Variants in IPCEF1 observed in about 807,000 individuals in gnomAD.
IPCEF1 encodes interactor protein for cytohesin exchange factors 1.
IPCEF1 carries 31 observed loss-of-function variants against 50.9 expected under a neutral mutation model. That is an observed-to-expected ratio of 0.61 (90% CI 0.46 to 0.82). IPCEF1 has a LOEUF of 0.82. IPCEF1 is among the 40% of genes least tolerant of loss of function. The pLI is 0.00. For synonymous variants in IPCEF1, 181 were observed against 192.0 expected (o/e 0.94, Z 0.47); for missense variants, 458 against 514.0 (o/e 0.89, Z 1.05).
intron 1 of IPCEF1, among the ~76,000 whole-genome samples, chr6:154,349,117 G>T (rs568091333): frequency 2.6e-5 from 4 of 151,944 alleles, no homozygotes; most frequent in East Asian, 3.9e-4. Context: ...TTAAATTAAG[G>T]TTCCTGGGAA....
intron 9 of IPCEF1, among the ~76,000 whole-genome samples, chr6:154,209,489 A>C (rs1777784139): frequency 6.6e-6 from 1 of 151,138 alleles, no homozygotes; most frequent in African/African-American, 2.4e-5. Flanking sequence ...TATCTCCACA[A>C]AAAAAAAATT....
Position 154,310,988 on chromosome 6 carries a change from T to G in IPCEF1, c.-61-21232A>C, listed in dbSNP as rs187112236. Among the ~76,000 whole-genome samples, 968 of 152,274 alleles carry G rather than the reference T, an allele frequency of 6.4e-3. 9 individuals carry two copies. Among genetic ancestry groups the G allele is most frequent in the Middle Eastern group, 0.024 (7 of 294 alleles). On this transcript the variant is annotated intron_variant, in intron 1 of 11. Transcript: ENST00000367220. ...TAATAATGTATTGTATATTGCAGAA[T>G]TGTTAAAAGAATTTATTTTTAAAGT... is the stretch of plus-strand genomic sequence containing the variant.
intron 3 of IPCEF1, among the ~76,000 whole-genome samples, chr6:154,256,583 GTGTC>G (rs1323865665): frequency 7.6e-6 from 1 of 131,108 alleles, no homozygotes; most frequent in Non-Finnish European, 1.7e-5. Context: ...GTGTGTGTGT[GTGTC>G]TCTCTCACAC....
intron 1 of IPCEF1, among the ~76,000 whole-genome samples, chr6:154,315,833 G>C (rs976818386): frequency 1.3e-5 from 2 of 149,534 alleles, no homozygotes; most frequent in Admixed American, 6.6e-5. Flanking sequence ...AATTTTTTTT[G>C]GGGGGGAGCG....
chr6:154,291,560 T>C (rs1782512904), intron 1 of IPCEF1, among the ~76,000 whole-genome samples: 1 of 152,190 alleles, frequency 6.6e-6, no homozygotes, highest in Non-Finnish European at 1.5e-5. Context: ...CTAAATATTT[T>C]GCTGAACCAT....
At chr6:154,302,631 C>T (rs928342592) in intron 1 of IPCEF1, among the ~76,000 whole-genome samples, 4 of 152,084 alleles carry the variant, frequency 2.6e-5, no homozygotes, top group Non-Finnish European at 5.9e-5. Flanking sequence ...TGTGCCACCA[C>T]GCCTGGCTAA....
At chr6:154,229,388 C>T (rs1350712031) in intron 5 of IPCEF1, among the ~76,000 whole-genome samples, 3 of 131,872 alleles carry the variant, frequency 2.3e-5, no homozygotes, top group African/African-American at 8.8e-5. Flanking sequence ...CTCTCTCTGT[C>T]GCCCAGGCTG....
chr6:154,237,662 C>T (rs1251407704), intron 5 of IPCEF1, among the ~76,000 whole-genome samples: 1 of 152,180 alleles, frequency 6.6e-6, no homozygotes, highest in African/African-American at 2.4e-5. Flanking sequence ...GCATCACTGA[C>T]TTAGAGCTAC....
chr6:154,252,607 G>A (rs923973786), intron 3 of IPCEF1, among the ~76,000 whole-genome samples: 3 of 152,128 alleles, frequency 2.0e-5, no homozygotes, highest in Non-Finnish European at 2.9e-5. Context: ...CCCCAGAGAC[G>A]GAGGCTGCAG....
At chr6:154,350,437 T>C (rs991893660) in intron 1 of IPCEF1, among the ~76,000 whole-genome samples, 9 of 152,354 alleles carry the variant, frequency 5.9e-5, no homozygotes, top group Admixed American at 5.2e-4. Flanking sequence ...ATGTGTCTCA[T>C]TGTTGAGAGT....
chr6:154,164,094 T>C (rs1013443744), intron 11 of IPCEF1, among the ~76,000 whole-genome samples: 26 of 152,248 alleles, frequency 1.7e-4, no homozygotes, highest in African/African-American at 6.3e-4. Flanking sequence ...TGTAAAGTTA[T>C]TTAAAGAGTT....
intron 9 of IPCEF1, among the ~76,000 whole-genome samples, chr6:154,202,494 T>C (rs949702230): frequency 1.1e-4 from 17 of 152,216 alleles, no homozygotes; most frequent in African/African-American, 4.1e-4. Flanking sequence ...CACGTTCCCC[T>C]ATTGTGAGCT....
intron 9 of IPCEF1, among the ~76,000 whole-genome samples, chr6:154,202,249 T>TA (rs567418627): frequency 1.6e-4 from 24 of 152,116 alleles, no homozygotes; most frequent in African/African-American, 2.4e-4. Context: ...GGCACGTACA[T>TA]AAAAAAAATC....
intron 10 of IPCEF1, among the ~76,000 whole-genome samples, chr6:154,185,458 A>G (rs1801256762): frequency 6.6e-6 from 1 of 152,182 alleles, no homozygotes; most frequent in Non-Finnish European, 1.5e-5. Context: ...TTGCCCCCAA[A>G]CTTTACAAAT....
At chr6:154,264,315 C>T (rs1030150850) in intron 3 of IPCEF1, among the ~76,000 whole-genome samples, 4 of 151,780 alleles carry the variant, frequency 2.6e-5, no homozygotes, top group Non-Finnish European at 4.4e-5. Context: ...GTGAGGCCAT[C>T]CTCCCAGTTG....
At chr6:154,250,827 G>A (rs1781319863) in intron 3 of IPCEF1, among the ~76,000 whole-genome samples, 1 of 152,164 alleles carries the variant, frequency 6.6e-6, no homozygotes, top group Non-Finnish European at 1.5e-5. Flanking sequence ...GGTAAAATGG[G>A]CTCTCTGGTT....
rs1473490290 is a variant in IPCEF1 at position 154,187,213 on chromosome 6, C to CCAGGATT, written c.910+12454_910+12455insAATCCTG. ...GACTTATCAGAGAGATTTTCCAGGA[C>CCAGGATT]TACCAATGTAAAATCACACACCCCA... On this transcript the variant is annotated intron_variant, in intron 10 of 11. Transcript: ENST00000367220. Among the ~76,000 whole-genome samples the CCAGGATT allele has an allele frequency of 2.5e-3, 383 of 152,284 alleles. 2 individuals are homozygous for CCAGGATT. Among genetic ancestry groups the CCAGGATT allele is most frequent in the African/African-American group, 9.1e-3 (377 of 41,540 alleles).
intron 1 of IPCEF1, among the ~76,000 whole-genome samples, chr6:154,296,420 G>A (rs1487045443): frequency 3.9e-5 from 6 of 152,222 alleles, no homozygotes; most frequent in South Asian, 4.1e-4. Flanking sequence ...CAACTCCACC[G>A]CATGCCCTAG....
chr6:154,302,379 G>T (rs1205531016), intron 1 of IPCEF1, among the ~76,000 whole-genome samples: 2 of 152,136 alleles, frequency 1.3e-5, no homozygotes, highest in Non-Finnish European at 2.9e-5. Flanking sequence ...GATATGGTGG[G>T]GGGAGTCTGG....
Sources: allele counts gnomAD v4.1 joint callset (sites outside exome capture counted in the v4.1 genomes callset), GRCh38; gene constraint gnomAD v4.1.1; transcripts MANE v1.5; gene names NCBI Gene and HGNC (gene_info 2026-07-23, HGNC 2026-07-21).